MMS22L: variants seen among roughly 807,000 people sequenced by gnomAD.
MMS22L encodes the protein MMS22 like, DNA repair protein.
MMS22L carries 74 observed loss-of-function variants against 159.1 expected under a neutral mutation model. The observed-to-expected ratio is 0.47, with a 90% CI of 0.39 to 0.56. The LOEUF is 0.56. Ranked by LOEUF, MMS22L falls within the 20% of genes least tolerant of loss-of-function variation. MMS22L has a pLI of 0.00. For synonymous variants in MMS22L, 517 were observed against 506.9 expected, an observed-to-expected ratio of 1.02 and a Z score of -0.27; for missense variants, 1,351 against 1,422.1, an observed-to-expected ratio of 0.95 and a Z score of 0.80.
At chr6:97,245,955 C>T in intron 11 of MMS22L, 1 of 235,984 alleles carries the variant, frequency 4.2e-6, no homozygotes, top group East Asian at 1.2e-4. Context: ...ATCTTTATTT[C>T]TTAAAAGAAA....
rs555306254 is a variant in MMS22L at position 97,179,496 on chromosome 6, T to C, written c.2448A>G (p.Ser816=). 1 of 1,613,570 alleles carries C rather than the reference T, an allele frequency of 6.2e-7. No individual in the cohort carries two copies. Among genetic ancestry groups the C allele is most frequent in the African/African-American group, 1.3e-5 (1 of 75,010 alleles). The change falls in exon 17 of 25, where the codon TCA becomes TCG. Residue 816 remains serine (S), a synonymous_variant. Transcript: ENST00000683635. ...YVSFQALTVR[S]WIRCVLQMYI... is the part of the protein sequence containing the mutation. ...ACATTTGCAAAACACAACGAATCCATGATCTTACGGTTAAGGCTTGAAAAG... is the reference window on the plus strand; with the variant it reads ...ACATTTGCAAAACACAACGAATCCACGATCTTACGGTTAAGGCTTGAAAAG...
intron 22 of MMS22L, among the ~76,000 whole-genome samples, chr6:97,153,220 C>T (rs545964509): frequency 9.9e-5 from 15 of 152,066 alleles, no homozygotes; most frequent in South Asian, 4.2e-4. Context: ...GTATACTGTT[C>T]GATGGCTTTT....
chr6:97,257,647 G>C (rs1813968846), intron 9 of MMS22L, among the ~76,000 whole-genome samples: 1 of 151,912 alleles, frequency 6.6e-6, no homozygotes, highest in Admixed American at 6.6e-5. Context: ...GCCCAGTCTT[G>C]AACTCCTGGG....
intron 11 of MMS22L, chr6:97,246,182 T>A (rs1180089978): frequency 8.8e-6 from 4 of 453,548 alleles, no homozygotes; most frequent in African/African-American, 8.0e-5. Flanking sequence ...TGATAAGGTA[T>A]GAAACGAATG....
At chr6:97,238,193 C>A (rs999614395) in intron 11 of MMS22L, among the ~76,000 whole-genome samples, 1 of 152,100 alleles carries the variant, frequency 6.6e-6, no homozygotes, top group Non-Finnish European at 1.5e-5. Context: ...ACACGACTGT[C>A]GTAAGTATTA....
At chr6:97,153,590 C>T (rs150034462) in intron 22 of MMS22L, among the ~76,000 whole-genome samples, 1,765 of 152,074 alleles carry the variant, frequency 0.012, 35 homozygotes, top group African/African-American at 0.04. Flanking sequence ...AGGCAGGTCT[C>T]GAAATCCTGA....
intron 14 of MMS22L, among the ~76,000 whole-genome samples, chr6:97,226,615 C>T (rs558604570): frequency 6.6e-6 from 1 of 151,574 alleles, no homozygotes; most frequent in South Asian, 2.1e-4. Context: ...TGTATATATT[C>T]TATATACACA....
upstream of MMS22L, chr6:97,283,399 A>C (rs796394901): frequency 6.6e-6 from 1 of 151,992 alleles, no homozygotes; most frequent in Admixed American, 6.5e-5. Flanking sequence ...TAAAAAAAAA[A>C]AAACAGAACT....
chr6:97,183,592 C>T (rs1804938659), intron 15 of MMS22L, among the ~76,000 whole-genome samples: 1 of 152,124 alleles, frequency 6.6e-6, no homozygotes, highest in Non-Finnish European at 1.5e-5. Flanking sequence ...ACAGCCAGCA[C>T]CTTCTGCCCC....
chr6:97,209,848 C>T (rs1484131694), intron 14 of MMS22L, among the ~76,000 whole-genome samples: 12 of 151,684 alleles, frequency 7.9e-5, no homozygotes, highest in Admixed American at 7.9e-4. Flanking sequence ...TTTATGCATG[C>T]TACATAAAGT....
chr6:97,219,861 T>C (rs1017612582), intron 14 of MMS22L, among the ~76,000 whole-genome samples: 1 of 152,162 alleles, frequency 6.6e-6, no homozygotes, highest in African/African-American at 2.4e-5. Context: ...TTTAATTCCA[T>C]CTCTACCTCT....
At chr6:97,211,156 T>C (rs773682275) in intron 14 of MMS22L, among the ~76,000 whole-genome samples, 1 of 152,006 alleles carries the variant, frequency 6.6e-6, no homozygotes, top group African/African-American at 2.4e-5. Context: ...GAAACCACAA[T>C]TAAAAAACTG....
At chr6:97,151,660 A>G in intron 23 of MMS22L, 111 bp downstream of exon 23, 2 of 807,386 alleles carry the variant, frequency 2.5e-6, no homozygotes, top group South Asian at 3.4e-5. Flanking sequence ...TTGAAATACT[A>G]TAAACAAGTA....
At chr6:97,218,465 A>G (rs1005354891) in intron 14 of MMS22L, among the ~76,000 whole-genome samples, 3 of 152,146 alleles carry the variant, frequency 2.0e-5, no homozygotes, top group Admixed American at 6.5e-5. Context: ...CTACCATCTT[A>G]GTCTTTCATG....
intron 11 of MMS22L, 125 bp from the exon 12 acceptor site, chr6:97,234,105 C>G: frequency 1.9e-6 from 2 of 1,048,914 alleles, no homozygotes; most frequent in African/African-American, 3.2e-5. Flanking sequence ...CCCAATCATA[C>G]CCATTCTCAT....
intron 19 of MMS22L, among the ~76,000 whole-genome samples, chr6:97,171,213 A>C (rs905904517): frequency 6.6e-6 from 1 of 152,168 alleles, no homozygotes; most frequent in Non-Finnish European, 1.5e-5. Flanking sequence ...TGACAATGGG[A>C]ATAAAAAATT....
chr6:97,157,633 A>T (rs572468557), intron 22 of MMS22L, among the ~76,000 whole-genome samples: 2 of 152,106 alleles, frequency 1.3e-5, no homozygotes, highest in African/African-American at 4.8e-5. Flanking sequence ...ATTGATTTGC[A>T]TATGTTGAAC....
chr6:97,179,613 G>A, intron 16 of MMS22L, 54 bp from the exon 17 acceptor site: 3 of 1,498,122 alleles, frequency 2.0e-6, no homozygotes, highest in Non-Finnish European at 2.7e-6. Context: ...CCTGAGTATA[G>A]AGATTAAGAA....
chr6:97,161,383 T>C lies in MMS22L; in HGVS notation c.3385+619A>G, dbSNP rs559366265. Among the ~76,000 whole-genome samples, 13 of 152,200 alleles carry C rather than the reference T, an allele frequency of 8.5e-5. 1 individual carries two copies. The South Asian group carries it at 2.3e-3, about 27-fold the overall frequency. On this transcript the variant is annotated intron_variant, in intron 22 of 24. Transcript: ENST00000683635. ...TTTTAGTAATACACTGGGGCATAAATTGCTTTAAGGACTAATCTAATCAAA... is the reference window on the plus strand; with the variant it reads ...TTTTAGTAATACACTGGGGCATAAACTGCTTTAAGGACTAATCTAATCAAA...
Sources: gnomAD v4.1 joint callset for allele counts (sites outside exome capture counted in the v4.1 genomes callset) on GRCh38, gnomAD v4.1.1 for gene constraint, MANE v1.5 for transcripts, NCBI Gene and HGNC (gene_info 2026-07-23, HGNC 2026-07-21) for gene names.